Variants in MCPH1 observed in about 807,000 individuals in gnomAD.
The protein encoded by MCPH1 is microcephalin 1.
MCPH1 carries 104 observed loss-of-function variants against 84.5 expected under a neutral mutation model. The observed-to-expected ratio is 1.23, with a 90% CI of 1.05 to 1.45. MCPH1 has a LOEUF of 1.45. Among genes scored for constraint, MCPH1 ranks in the 40% most tolerant of loss-of-function variants. The pLI is 0.00. For missense variants in MCPH1, 1,498 were observed against 1,005.7 expected (o/e 1.49, Z -6.62); for synonymous variants, 514 against 366.8 (o/e 1.40, Z -4.58).
At chr8:6,628,461 C>A (rs1461637159) in intron 13 of MCPH1, among the ~76,000 whole-genome samples, 2 of 112,988 alleles carry the variant, frequency 1.8e-5, no homozygotes, top group East Asian at 2.5e-4. Flanking sequence ...CAGAGTAAGA[C>A]TCTGTCTCAA....
intron 13 of MCPH1, among the ~76,000 whole-genome samples, chr8:6,627,638 C>T (rs1307183775): frequency 6.6e-6 from 1 of 152,186 alleles, no homozygotes; most frequent in African/African-American, 2.4e-5. Flanking sequence ...TGCCTATAAT[C>T]CCAGCACTTT....
chr8:6,605,647 C>G (rs1265089120), intron 12 of MCPH1, among the ~76,000 whole-genome samples: 1 of 152,140 alleles, frequency 6.6e-6, no homozygotes, highest in African/African-American at 2.4e-5. Context: ...CAGAAGGATG[C>G]CAAGAGATCA....
At chr8:6,600,355 C>G (rs939369990) in intron 12 of MCPH1, among the ~76,000 whole-genome samples, 2 of 152,234 alleles carry the variant, frequency 1.3e-5, no homozygotes, top group African/African-American at 4.8e-5. Flanking sequence ...GCCTGGCCAC[C>G]TGTAGCCCTC....
At chr8:6,630,011 G>GA (rs1307036196) in intron 13 of MCPH1, among the ~76,000 whole-genome samples, 1 of 152,160 alleles carries the variant, frequency 6.6e-6, no homozygotes, top group Non-Finnish European at 1.5e-5. Context: ...TGGAGCAAGA[G>GA]AAAAAAGTAG....
chr8:6,647,008 G>T lies in MCPH1; in HGVS notation c.*3959G>T, dbSNP rs1050626796. 3 of 151,304 alleles carry T rather than the reference G, an allele frequency of 2.0e-5. No homozygotes were observed. Among genetic ancestry groups the T allele is most frequent in the African/African-American group, 7.3e-5 (3 of 41,138 alleles). 9.4% of individuals were successfully genotyped at this position (151,304 alleles called of 1,614,324 possible). A position where few individuals can be genotyped will look rare whatever the true frequency, so the allele number is the denominator to read the frequency against. ...TCTGAAGAAACCATTAAAAAAAAAT[G>T]AAAAGACAAGCCACAGACTATGAAA... On this transcript the variant is annotated 3_prime_UTR_variant, in exon 14 of 14. Transcript: ENST00000344683.
chr8:6,494,903 T>G (rs1811072452), intron 11 of MCPH1, among the ~76,000 whole-genome samples: 1 of 152,172 alleles, frequency 6.6e-6, no homozygotes, highest in African/African-American at 2.4e-5. Context: ...TTATGCCAAT[T>G]TCACCTCACT....
intron 12 of MCPH1, among the ~76,000 whole-genome samples, chr8:6,530,033 A>C (rs1415312074): frequency 6.6e-6 from 1 of 152,020 alleles, no homozygotes; most frequent in South Asian, 2.1e-4. Context: ...ATTTTTGCCA[A>C]GTTCCCATGC....
chr8:6,489,679 G>C (rs754575684), intron 11 of MCPH1, among the ~76,000 whole-genome samples: 1 of 152,154 alleles, frequency 6.6e-6, no homozygotes, highest in Non-Finnish European at 1.5e-5. Context: ...ACATCAGAGA[G>C]ATTGGTTGGC....
At chr8:6,496,531 C>T (rs888918534) in intron 11 of MCPH1, among the ~76,000 whole-genome samples, 4 of 151,722 alleles carry the variant, frequency 2.6e-5, no homozygotes, top group African/African-American at 9.7e-5. Flanking sequence ...CCCCGCCCCC[C>T]TTCCCCCGCC....
chr8:6,408,591 G>A (rs1354553783), intron 1 of MCPH1, among the ~76,000 whole-genome samples: 2 of 152,138 alleles, frequency 1.3e-5, no homozygotes, highest in African/African-American at 4.8e-5. Context: ...AGGCTGGAGT[G>A]CAATGGTGCG....
chr8:6,475,961 G>T (rs1808395862), intron 9 of MCPH1, among the ~76,000 whole-genome samples: 1 of 152,178 alleles, frequency 6.6e-6, no homozygotes, highest in Admixed American at 6.5e-5. Context: ...AGGACTGGGG[G>T]TGGCAGGTGG....
At chr8:6,527,980 C>T (rs773707929) in intron 12 of MCPH1, among the ~76,000 whole-genome samples, 28 of 151,384 alleles carry the variant, frequency 1.8e-4, no homozygotes, top group Non-Finnish European at 3.2e-4. Flanking sequence ...ACTGCAACCT[C>T]CGCCTCCCGG....
At chr8:6,532,418 G>C (rs754417127) in intron 12 of MCPH1, 2 of 1,614,004 alleles carry the variant, frequency 1.2e-6, no homozygotes, top group South Asian at 2.2e-5. Context: ...ACAGCCGTCT[G>C]GTTCTGTACT....
chr8:6,525,293 C>T (rs191241982), intron 12 of MCPH1, among the ~76,000 whole-genome samples: 1 of 152,270 alleles, frequency 6.6e-6, no homozygotes, highest in East Asian at 1.9e-4. Flanking sequence ...GGGGGTCTGT[C>T]TTTGTTGCCC....
rs1798312942 is a variant in MCPH1, at chr8:6,648,317, G to A, written c.*5268G>A. ...CTTCTACCCACTTTTATTTTTCCCAGGAGTCACGCTTAGTCATCTCTTGCT... is the reference window on the plus strand; with the variant it reads ...CTTCTACCCACTTTTATTTTTCCCAAGAGTCACGCTTAGTCATCTCTTGCT... On this transcript the variant is annotated 3_prime_UTR_variant, in exon 14 of 14. Transcript: ENST00000344683. 1 of 152,216 alleles carries A rather than the reference G, an allele frequency of 6.6e-6. No homozygotes were observed. Among genetic ancestry groups the A allele is most frequent in the Admixed American group, 6.6e-5 (1 of 15,266 alleles). The allele number at this position is 152,216 out of a possible 1,614,324, so 9.4% of individuals were successfully genotyped here.
chr8:6,497,182 A>G (rs1031826450), intron 11 of MCPH1, among the ~76,000 whole-genome samples: 10 of 152,040 alleles, frequency 6.6e-5, no homozygotes, highest in Non-Finnish European at 1.5e-4. Context: ...ATTCTTTGAG[A>G]AATAAAAAGT....
rs1179212171 is a variant in MCPH1 at position 6,514,814 on chromosome 8, C to T, written c.2214+14885C>T. ...GAATGCAGGGTATAAGTGACAGAGC[C>T]CCCCCACTCCCCCCTTACGTAGCAG... On this transcript the variant is annotated intron_variant, in intron 12 of 13. Transcript: ENST00000344683. 6 of 1,550,800 alleles carry T rather than the reference C, an allele frequency of 3.9e-6. No homozygotes were observed. The Admixed American group carries it at 5.0e-5, about 13-fold the overall frequency.
chr8:6,480,842 T>G lies in MCPH1; in HGVS notation c.2102T>G (p.Ile701Ser). 1 of 1,614,220 alleles carries G rather than the reference T, an allele frequency of 6.2e-7. No homozygotes were observed. The highest frequency in any genetic ancestry group is 8.5e-7 in the Non-Finnish European group (1 of 1,180,046). ...CGCACCCTGAATGTGCTGCTGGGAA[T>G]TGCGCGTGGCTGCTGGGTTCTCTCT... ...PLRTLNVLLG[I>S]ARGCWVLSYD... Residue 701 changes from isoleucine (I) to serine (S), a missense_variant, in exon 11 of 14, where the codon ATT becomes AGT. Transcript: ENST00000344683.
intron 12 of MCPH1, among the ~76,000 whole-genome samples, chr8:6,551,588 A>G (rs564793132): frequency 1.3e-5 from 2 of 152,304 alleles, no homozygotes; most frequent in African/African-American, 4.8e-5. Context: ...TTTTTGTCCC[A>G]GTCATCAACA....
Sources: allele counts gnomAD v4.1 joint callset (sites outside exome capture counted in the v4.1 genomes callset), GRCh38; gene constraint gnomAD v4.1.1; transcripts MANE v1.5; gene names NCBI Gene and HGNC (gene_info 2026-07-23, HGNC 2026-07-21).